DST: variants seen among roughly 807,000 people sequenced by gnomAD.
DST encodes the protein bullous pemphigoid antigen.
DST carries 253 observed loss-of-function variants against 875.2 expected under a neutral mutation model. The observed-to-expected ratio is 0.29, with a 90% CI of 0.26 to 0.32. The LOEUF is 0.32. Ranked by LOEUF, DST falls within the 10% of genes least tolerant of loss-of-function variation. The pLI is 1.00. For synonymous variants in DST, 3,124 were observed against 3,197.1 expected (o/e 0.98, Z 0.77); for missense variants, 8,287 against 9,111.6 (o/e 0.91, Z 3.68).
Position 56,530,200 on chromosome 6 carries a change from T to C in DST, c.17109-67A>G, listed in dbSNP as rs543579961. ...TGAAATATTCAACAAAAATCTTCAGTCATGCTCTTGCAATCTATTCTAAAC... is the reference window on the plus strand; with the variant it reads ...TGAAATATTCAACAAAAATCTTCAGCCATGCTCTTGCAATCTATTCTAAAC... On this transcript the variant is annotated intron_variant, in intron 64 of 103. Transcript: ENST00000680361. 4.3e-5 allele frequency: 55 copies of C among 1,290,556 alleles called. No individual in the cohort carries two copies. In the African/African-American group the frequency reaches 7.8e-4, roughly 18 times the overall value. The allele number at this position is 1,290,556 out of a possible 1,614,324, so 79.9% of individuals were successfully genotyped here. A position where few individuals can be genotyped will look rare whatever the true frequency, so the allele number is the denominator to read the frequency against.
At chr6:56,563,685 T>G (rs1191964505) in intron 55 of DST, among the ~76,000 whole-genome samples, 1 of 152,188 alleles carries the variant, frequency 6.6e-6, no homozygotes, top group East Asian at 1.9e-4. Flanking sequence ...TTTGCCTAGG[T>G]TTTCTTCTAG....
At chr6:56,805,401 A>T (rs1292899453) in intron 4 of DST, among the ~76,000 whole-genome samples, 1 of 152,196 alleles carries the variant, frequency 6.6e-6, no homozygotes, top group African/African-American at 2.4e-5. Flanking sequence ...AGTTAATATC[A>T]CCATGGAGTC....
rs777284565 is a variant in DST at position 56,592,242 on chromosome 6, G to C, written c.12843C>G (p.His4281Gln). The C allele has an allele frequency of 6.2e-7, 1 of 1,613,544 alleles. No homozygotes were observed. The highest frequency in any genetic ancestry group is 8.5e-7 in the Non-Finnish European group (1 of 1,179,728). ...GGTCCACCGCAATAGGTTCAGATAAGTGTTTGCTCGCTGTGGCCTCACAGG... is the reference window on the plus strand; with the variant it reads ...GGTCCACCGCAATAGGTTCAGATAACTGTTTGCTCGCTGTGGCCTCACAGG... ...LQACEATASK[H>Q]LSEPIAVDPK... Residue 4281 changes from histidine to glutamine, a missense_variant, in exon 49 of 104, where the codon CAC (histidine) becomes CAG (glutamine). His to Gln is a conservative substitution (Grantham distance 24, BLOSUM62 0). Around this residue, in one of 10 missense-constraint regions of DST, gnomAD observed 1,513 missense variants for 1,677.8 expected, o/e 0.90. Transcript: ENST00000680361.
At chr6:56,785,437 C>T (rs1428946322) in intron 4 of DST, among the ~76,000 whole-genome samples, 2 of 152,268 alleles carry the variant, frequency 1.3e-5, no homozygotes, top group South Asian at 4.2e-4. Flanking sequence ...CCGCCAGCCT[C>T]GCTGCCGCCT....
rs368458206 is a variant in DST at position 56,679,302 on chromosome 6, C to T, written c.1048-8495G>A. 2.1e-4 allele frequency among the ~76,000 whole-genome samples: 32 copies of T among 152,228 alleles called. No individual in the cohort carries two copies. The East Asian group carries it at 5.4e-3, about 26-fold the overall frequency. ...TCCAGCTGCACGTCTTCTCTGCTTT[C>T]ACCCTAAGCTATAAATGTCTACCAG... is the stretch of plus-strand genomic sequence containing the variant. On this transcript the variant is annotated intron_variant, in intron 9 of 103. Transcript: ENST00000680361.
chr6:56,497,784 C>A, intron 81 of DST, 72 bp downstream of exon 81: 2 of 1,339,020 alleles, frequency 1.5e-6, no homozygotes, highest in Non-Finnish European at 2.0e-6. Flanking sequence ...AGTCTGTGAA[C>A]TAATAAAAGA....
intron 34 of DST, 77 bp from the exon 35 acceptor site, chr6:56,625,341 A>T: frequency 1.1e-6 from 1 of 921,778 alleles, no homozygotes; most frequent in Non-Finnish European, 1.8e-6. Context: ...TTTAACACAG[A>T]TAATTAGAAC....
intron 90 of DST, among the ~76,000 whole-genome samples, chr6:56,479,085 C>T (rs1224392802): frequency 6.6e-6 from 1 of 152,084 alleles, no homozygotes; most frequent in Non-Finnish European, 1.5e-5. Context: ...AAACAACAAA[C>T]AACTCCATTG....
At chr6:56,888,543 T>C (rs1032343852) in intron 3 of DST, among the ~76,000 whole-genome samples, 16 of 152,136 alleles carry the variant, frequency 1.1e-4, no homozygotes, top group Non-Finnish European at 2.4e-4. Flanking sequence ...GTTATGCACA[T>C]AGAGCTGCCT....
At chr6:56,742,210 T>C in intron 4 of DST, 1 of 1,081,552 alleles carries the variant, frequency 9.2e-7, no homozygotes, top group Non-Finnish European at 1.3e-6. Context: ...AAGCAGGTAG[T>C]GCAACTTTCC....
Position 56,809,449 on chromosome 6 carries a change from T to C in DST, c.625+41948A>G, listed in dbSNP as rs557685755. On this transcript the variant is annotated intron_variant, in intron 4 of 103. Transcript: ENST00000680361. Reference sequence around the variant, plus strand: ...TTTCACAACCTAACCATTTGAGTGGTAGCATAAATTAAATTTAATAATGAA... The same window carrying C: ...TTTCACAACCTAACCATTTGAGTGGCAGCATAAATTAAATTTAATAATGAA... Among the ~76,000 whole-genome samples the C allele has an allele frequency of 1.1e-4, 17 of 152,314 alleles. No individual in the cohort carries two copies. The South Asian group carries it at 3.3e-3, about 30-fold the overall frequency.
At chr6:56,849,324 A>T (rs1261345464) in intron 4 of DST, among the ~76,000 whole-genome samples, 2 of 151,882 alleles carry the variant, frequency 1.3e-5, no homozygotes, top group Non-Finnish European at 2.9e-5. Flanking sequence ...TTTAGTAGAG[A>T]CGGGGTTTCA....
intron 54 of DST, among the ~76,000 whole-genome samples, chr6:56,569,202 G>A (rs2097734155): frequency 6.6e-6 from 1 of 151,770 alleles, no homozygotes; most frequent in Admixed American, 6.6e-5. Context: ...GCAGCCACCT[G>A]TAGTCCCAGC....
At chr6:56,913,195 AAAC>A (rs1454278213) in intron 2 of DST, among the ~76,000 whole-genome samples, 5 of 152,250 alleles carry the variant, frequency 3.3e-5, no homozygotes, top group Admixed American at 2.6e-4. Context: ...ACAGCTCCAT[AAAC>A]AACAATTATT....
At chr6:56,587,989 A>G (rs1011749785) in intron 49 of DST, among the ~76,000 whole-genome samples, 1 of 152,152 alleles carries the variant, frequency 6.6e-6, no homozygotes, top group Non-Finnish European at 1.5e-5. Context: ...GAGACTAGGA[A>G]GCAACTGCAT....
chr6:56,769,990 G>A lies in DST; in HGVS notation c.626-34701C>T, dbSNP rs76142701. On this transcript the variant is annotated intron_variant, in intron 4 of 103. Coordinates refer to ENST00000680361, the MANE Select transcript of DST (RefSeq NM_001374736.1). ...ACTCATGTGTAAGGAAATCAATACA[G>A]TTACATCAAAATTTTGGCTAAAGAG... Among the ~76,000 whole-genome samples the A allele has an allele frequency of 6.9e-3, 1,048 of 152,270 alleles. 15 individuals carry two copies. Among genetic ancestry groups the A allele is most frequent in the African/African-American group, 0.024 (1,016 of 41,542 alleles).
At chr6:56,921,174 T>G (rs1396615673) in intron 2 of DST, among the ~76,000 whole-genome samples, 1 of 152,318 alleles carries the variant, frequency 6.6e-6, no homozygotes, top group African/African-American at 2.4e-5. Context: ...TTTGAATATA[T>G]TTCTACTAAC....
chr6:56,510,390 C>A (rs573278585), intron 73 of DST, among the ~76,000 whole-genome samples: 4 of 151,952 alleles, frequency 2.6e-5, no homozygotes, highest in Admixed American at 6.6e-5. Context: ...TTATGCATTT[C>A]CTGAATTGAA....
Position 56,508,738 on chromosome 6 carries a change from C to T in DST, c.19030G>A (p.Asp6344Asn), listed in dbSNP as rs41271862. ...TTCTCCCAAATGAAAACCATTTGGTCAAGCTTATCCTGAACAGCTATGAAG... is the reference window on the plus strand; with the variant it reads ...TTCTCCCAAATGAAAACCATTTGGTTAAGCTTATCCTGAACAGCTATGAAG... ...ISAKAVQDKL[D>N]QMVFIWENIH... The change falls in exon 75 of 104, where the codon GAC becomes AAC. Residue 6344 changes from aspartate (D) to asparagine (N), a missense_variant. By Grantham distance (23) the Asp-to-Asn change is conservative. Around this residue, in one of 10 missense-constraint regions of DST, gnomAD observed 1,292 missense variants for 1,552.7 expected, o/e 0.83. Coordinates refer to ENST00000680361, the MANE Select transcript of DST (RefSeq NM_001374736.1). The T allele has an allele frequency of 0.048, 77,468 of 1,612,518 alleles. 2,184 individuals are homozygous for T. The highest frequency in any genetic ancestry group is 0.056 in the Non-Finnish European group (65,777 of 1,178,878).
Sources: gnomAD v4.1 joint callset for allele counts (sites outside exome capture counted in the v4.1 genomes callset) on GRCh38, gnomAD v4.1.1 for gene constraint, gnomAD v4.1.1 regional missense constraint, MANE v1.5 for transcripts, NCBI Gene and HGNC (gene_info 2026-07-23, HGNC 2026-07-21) for gene names.